The following THEMIS2 variants were observed in gnomAD, a reference collection of about 807,000 sequenced individuals.
THEMIS2 encodes protein THEMIS2.
Under a neutral mutation model 46.8 loss-of-function variants are expected in THEMIS2, and 29 were observed. The ratio of observed to expected loss-of-function variants is 0.62; its 90% CI spans 0.46 to 0.84. THEMIS2 has a LOEUF of 0.84. Ranked by LOEUF, THEMIS2 falls within the 40% of genes least tolerant of loss-of-function variation. The probability of loss-of-function intolerance (pLI) is 0.00; values close to 1 mark genes in which losing one functional copy is unlikely to be tolerated. For missense variants in THEMIS2, 698 were observed against 834.7 expected, an observed-to-expected ratio of 0.84 and a Z score of 2.02; for synonymous variants, 335 against 349.1, an observed-to-expected ratio of 0.96 and a Z score of 0.45.
chr1:27,876,490 C>T (rs548173588), intron 1 of THEMIS2, 98 bp from the exon 2 acceptor site: 2 of 1,465,566 alleles, frequency 1.4e-6, no homozygotes, highest in African/African-American at 1.4e-5. Flanking sequence ...GCACCATGTG[C>T]AAAGGCATGG....
At position 27,872,809 on chromosome 1, in the gene THEMIS2, C is replaced by T. The variant is rs1213630889; in HGVS notation, c.94+144C>T. ...CTGGCCAAGCTGTGTGATTTGGGGCCGCACTCAACCTCTTTGGACCTCGGC... is the reference window on the plus strand; with the variant it reads ...CTGGCCAAGCTGTGTGATTTGGGGCTGCACTCAACCTCTTTGGACCTCGGC... On this transcript the variant is annotated intron_variant, in intron 1 of 5. Coordinates refer to ENST00000373921, the MANE Select transcript of THEMIS2 (RefSeq NM_001105556.3). The surrounding 1 kb of genome is among the most constrained non-coding windows in gnomAD (Gnocchi z 4.9). The T allele has an allele frequency of 4.7e-6, 3 of 637,418 alleles. No homozygotes were observed. The highest frequency in any genetic ancestry group is 6.9e-6 in the Non-Finnish European group (3 of 436,938). 39.5% of individuals were successfully genotyped at this position (637,418 alleles called of 1,614,324 possible).
At chr1:27,879,563 G>T in intron 2 of THEMIS2, 81 bp from the exon 3 acceptor site, 1 of 1,305,148 alleles carries the variant, frequency 7.7e-7, no homozygotes. Context: ...TGCAGGGCCA[G>T]ACTGGGGTCT....
rs1387786140 is a variant in THEMIS2 at position 27,879,656 on chromosome 1, C to G, written c.248C>G (p.Pro83Arg). 1.3e-6 allele frequency: 2 copies of G among 1,598,736 alleles called. No homozygotes were observed. Among genetic ancestry groups the G allele is most frequent in the African/African-American group, 2.7e-5 (2 of 74,542 alleles). Residue 83 changes from proline (P) to arginine (R), a missense_variant, in exon 3 of 6, where the codon CCC (proline) becomes CGC (arginine). Transcript: ENST00000373921. Reference sequence around the variant, plus strand: ...CTGTCCCCCACAGGCTACTTCACCCCCCTCAACACCCCACAGAGCTATGAA... The same window carrying G: ...CTGTCCCCCACAGGCTACTTCACCCGCCTCAACACCCCACAGAGCTATGAA... ...LAPNFQGYFT[P>R]LNTPQSYETL...
Position 27,873,835 on chromosome 1 carries a change from A to G in THEMIS2, c.94+1170A>G, listed in dbSNP as rs977265277. ...GTTTCCTCATCCTGCCTGACGCGGGATGGTGGAAATGGTGGAAGTCAGAGT... is the reference window on the plus strand; with the variant it reads ...GTTTCCTCATCCTGCCTGACGCGGGGTGGTGGAAATGGTGGAAGTCAGAGT... On this transcript the variant is annotated intron_variant, in intron 1 of 5. Transcript: ENST00000373921. Among the ~76,000 whole-genome samples the G allele has an allele frequency of 2.6e-5, 4 of 151,894 alleles. No individual in the cohort carries two copies. The East Asian group carries it at 7.8e-4, about 30-fold the overall frequency.
At position 27,876,843 on chromosome 1, in the gene THEMIS2, C is replaced by A. The variant is rs749871257; in HGVS notation, c.235+115C>A. On this transcript the variant is annotated intron_variant, in intron 2 of 5. Coordinates refer to ENST00000373921, the MANE Select transcript of THEMIS2 (RefSeq NM_001105556.3). ...ACTCCCTCCCCTCGGGGTTTGCTCC[C>A]GAGGCCCTCACATTCACCACAACCC... 3 of 1,334,332 alleles carry A rather than the reference C, an allele frequency of 2.2e-6. No homozygotes were observed. In the South Asian group the frequency reaches 4.2e-5, roughly 19 times the overall value. The allele number at this position is 1,334,332 out of a possible 1,614,324, so 82.7% of individuals were successfully genotyped here.
chr1:27,875,673 A>G (rs1013336174), intron 1 of THEMIS2, among the ~76,000 whole-genome samples: 3 of 151,976 alleles, frequency 2.0e-5, no homozygotes, highest in Non-Finnish European at 4.4e-5. Context: ...GACACCACTT[A>G]CACACTTTAA....
At position 27,883,033 on chromosome 1, in the gene THEMIS2, G is replaced by C. The variant is rs780304137; in HGVS notation, c.1709G>C (p.Gly570Ala). The C allele has an allele frequency of 6.2e-7, 1 of 1,612,956 alleles. No individual in the cohort carries two copies. Among genetic ancestry groups the C allele is most frequent in the Admixed American group, 1.7e-5 (1 of 59,930 alleles). ...LSKQRRHSSE[G>A]GVKSSQVLGL... ...AAGCAGAGGAGACACAGCAGTGAGGGAGGCGTCAAGGTACTAGTATAATCC... is the reference window on the plus strand; with the variant it reads ...AAGCAGAGGAGACACAGCAGTGAGGCAGGCGTCAAGGTACTAGTATAATCC... Residue 570 changes from glycine (G) to alanine (A), a missense_variant, in exon 4 of 6, where the codon GGA becomes GCA. Transcript: ENST00000373921.
chr1:27,883,358 C>G, intron 4 of THEMIS2: 1 of 318,498 alleles, frequency 3.1e-6, no homozygotes, highest in South Asian at 5.8e-5. Flanking sequence ...CTCTCCACTA[C>G]TGCTGCCTTC....
chr1:27,880,140 C>T (rs1333518428), intron 3 of THEMIS2, 86 bp downstream of exon 3: 5 of 1,401,472 alleles, frequency 3.6e-6, no homozygotes, highest in Admixed American at 2.6e-5. Flanking sequence ...AAGACACCCC[C>T]ACCCCATCCC....
At chr1:27,881,881 A>G (rs1571587590) in intron 3 of THEMIS2, 90 bp from the exon 4 acceptor site, 1 of 1,001,858 alleles carries the variant, frequency 1.0e-6, no homozygotes, top group Non-Finnish European at 1.4e-6. Flanking sequence ...AGCGGGAGGG[A>G]GGCCAGCCGG....
rs2148634027 is a variant in THEMIS2 at position 27,877,104 on chromosome 1, C to G, written c.235+376C>G. Among the ~76,000 whole-genome samples, 2 of 152,304 alleles carry G rather than the reference C, an allele frequency of 1.3e-5. 1 individual carries two copies. Among genetic ancestry groups the G allele is most frequent in the Admixed American group, 1.3e-4 (2 of 15,294 alleles). On this transcript the variant is annotated intron_variant, in intron 2 of 5. Transcript: ENST00000373921. Reference sequence around the variant, plus strand: ...GTCAGGATGAATCAGGTGCCACCCTCTCCAGTGGGGAGCTTCTGGGATGAC... The same window carrying G: ...GTCAGGATGAATCAGGTGCCACCCTGTCCAGTGGGGAGCTTCTGGGATGAC...
intron 1 of THEMIS2, among the ~76,000 whole-genome samples, chr1:27,874,281 T>C (rs1043891607): frequency 2.0e-5 from 3 of 151,922 alleles, no homozygotes; most frequent in African/African-American, 7.3e-5. Context: ...GTGATCTGCC[T>C]GCCTCGGCCT....
At position 27,881,955 on chromosome 1, in the gene THEMIS2, C is replaced by G. The variant is rs372415435; in HGVS notation, c.647-16C>G. On this transcript the variant is annotated splice_polypyrimidine_tract_variant and intron_variant, in intron 3 of 5. Transcript: ENST00000373921. ...TGGGGTGGCATGCAGTGCCACTGAG[C>G]TGCCCCTCTCCACAGTGCGCAGGAC... is the stretch of plus-strand genomic sequence containing the variant. 41 of 1,585,560 alleles carry G rather than the reference C, an allele frequency of 2.6e-5. 1 individual carries two copies. The African/African-American group carries it at 3.1e-4, about 12-fold the overall frequency.
At chr1:27,883,107 G>A (rs2089714955) in intron 4 of THEMIS2, 64 bp downstream of exon 4, 1 of 1,371,786 alleles carries the variant, frequency 7.3e-7, no homozygotes, top group East Asian at 2.3e-5. Context: ...TCTTTGTCAT[G>A]TCTGCCTGTC....
In THEMIS2 at chr1:27,882,509, T is replaced by A; in HGVS notation, c.1185T>A (p.Cys395Ter). Residue 395 changes from cysteine (C) to a stop codon, truncating the protein, a stop_gained, in exon 4 of 6, where the codon TGT (cysteine) becomes TGA (stop). Transcript: ENST00000373921. LOFTEE classifies it high-confidence loss of function. The surrounding 1 kb of genome is among the most constrained non-coding windows in gnomAD (Gnocchi z 7.6). ...AQGSDVDVLV[C>*]QRLSDQAGED... is the part of the protein sequence containing the mutation. ...GCAGTGACGTGGATGTCTTGGTTTGTCAGCGGCTGAGTGACCAGGCTGGGG... is the reference window on the plus strand; with the variant it reads ...GCAGTGACGTGGATGTCTTGGTTTGACAGCGGCTGAGTGACCAGGCTGGGG... 6.2e-7 allele frequency: 1 copy of A among 1,613,618 alleles called. No individual in the cohort carries two copies. Among genetic ancestry groups the A allele is most frequent in the Non-Finnish European group, 8.5e-7 (1 of 1,179,590 alleles).
intron 2 of THEMIS2, among the ~76,000 whole-genome samples, chr1:27,878,023 A>ACCTGTAATCCCAGCTATTCAGGAGGCT (rs2089611751): frequency 6.7e-6 from 1 of 149,926 alleles, no homozygotes; most frequent in African/African-American, 2.5e-5. Context: ...GGTGGGGGGC[A>ACCTGTAATCCCAGCTATTCAGGAGGCT]CCTGTAATCC....
intron 1 of THEMIS2, among the ~76,000 whole-genome samples, chr1:27,876,063 T>C (rs2148632583): frequency 6.6e-6 from 1 of 152,070 alleles, no homozygotes. Flanking sequence ...ACTCTGTCAG[T>C]GCCCCTCTAT....
intron 5 of THEMIS2, 25 bp downstream of exon 5, chr1:27,885,476 C>T: frequency 6.2e-7 from 1 of 1,608,342 alleles, no homozygotes; most frequent in Non-Finnish European, 8.5e-7. Context: ...GCGCTGCTCA[C>T]CCTTGTCCTT....
chr1:27,872,552 C>T lies in THEMIS2; in HGVS notation c.-20C>T, dbSNP rs1338322921. ...CCGCCCGCCCGCCCCTCAGTCTGAG[C>T]CCAGAGAGCCGCGGGGACCATGGAG... On this transcript the variant is annotated 5_prime_UTR_variant, in exon 1 of 6. Coordinates refer to ENST00000373921, the MANE Select transcript of THEMIS2 (RefSeq NM_001105556.3). The surrounding 1 kb of genome is among the most constrained non-coding windows in gnomAD (Gnocchi z 4.9). 8.8e-6 allele frequency: 13 copies of T among 1,478,556 alleles called. No individual in the cohort carries two copies. In the Admixed American group the frequency reaches 2.9e-4, roughly 33 times the overall value. The allele number at this position is 1,478,556 out of a possible 1,614,324, so 91.6% of individuals were successfully genotyped here. A position where few individuals can be genotyped will look rare whatever the true frequency, so the allele number is the denominator to read the frequency against.
Sources: gnomAD v4.1 joint callset for allele counts (sites outside exome capture counted in the v4.1 genomes callset) on GRCh38, gnomAD v4.1.1 for gene constraint, Gnocchi (gnomAD v3.1) non-coding constraint, MANE v1.5 for transcripts, NCBI Gene and HGNC (gene_info 2026-07-23, HGNC 2026-07-21) for gene names.